Variants in MAOB observed in about 807,000 individuals in gnomAD.
MAOB encodes monoamine oxidase B, also known as amine oxidase [flavin-containing] B.
MAOB carries 15 observed loss-of-function variants against 41.9 expected under a neutral mutation model. The ratio of observed to expected loss-of-function variants is 0.36; its 90% CI spans 0.24 to 0.55. The LOEUF (loss-of-function observed/expected upper bound fraction) is 0.55, where lower values mean the gene tolerates loss of function less well. Ranked by LOEUF, MAOB falls within the 20% of genes least tolerant of loss-of-function variation. The pLI is 0.86. For missense variants in MAOB, 345 were observed against 398.7 expected (o/e 0.87, Z 1.15); for synonymous variants, 167 against 144.2 (o/e 1.16, Z -1.13).
intron 1 of MAOB, among the ~76,000 whole-genome samples, chrX:43,858,883 C>T (rs745532342): frequency 3.6e-5 from 4 of 111,769 alleles, no homozygotes; most frequent in African/African-American, 9.8e-5. Context: ...TTTGATAAAA[C>T]GATTTAACAA....
rs778995094 is a variant in MAOB at position 43,872,833 on chromosome X, A to G, written c.46+9421T>C. The stretch of plus-strand genomic sequence containing the variant: ...TATAGGTGGCAATAGTAACAGTGGT[A>G]AATATTTTATGGAGTTCAATTATGG... On this transcript the variant is annotated intron_variant, in intron 1 of 14. Coordinates refer to ENST00000378069, the MANE Select transcript of MAOB (RefSeq NM_000898.5). 2.7e-5 allele frequency among the ~76,000 whole-genome samples: 3 copies of G among 112,541 alleles called. No individual in the cohort carries two copies. In the East Asian group the frequency reaches 8.3e-4, roughly 31 times the overall value.
At chrX:43,786,515 T>C (rs191126365) in intron 8 of MAOB, among the ~76,000 whole-genome samples, 5 of 111,885 alleles carry the variant, frequency 4.5e-5, no homozygotes, top group African/African-American at 1.6e-4. Context: ...CCTTCAGGCA[T>C]GCTGGGGCAG....
intron 1 of MAOB, among the ~76,000 whole-genome samples, chrX:43,849,412 C>A (rs1055498083): frequency 8.9e-6 from 1 of 112,507 alleles, no homozygotes; most frequent in Admixed American, 9.4e-5. Context: ...CCTTTAACAT[C>A]ACGGATCATA....
intron 1 of MAOB, among the ~76,000 whole-genome samples, chrX:43,865,602 A>C (rs1266277970): frequency 3.6e-5 from 4 of 111,860 alleles, no homozygotes; most frequent in Middle Eastern, 4.2e-3. Context: ...AAATCTTATG[A>C]AGATAAAATT....
At chrX:43,850,511 G>A in intron 1 of MAOB, 1 of 749,566 alleles carries the variant, frequency 1.3e-6, no homozygotes, top group Non-Finnish European at 1.6e-6. Context: ...GAATGCACCA[G>A]TCACAATTTT....
At chrX:43,826,364 T>C (rs2034947553) in intron 3 of MAOB, among the ~76,000 whole-genome samples, 1 of 111,875 alleles carries the variant, frequency 8.9e-6, no homozygotes. Flanking sequence ...AATTGTGCTC[T>C]AAAAGGGACA....
chrX:43,768,591 C>A, intron 14 of MAOB, 63 bp downstream of exon 14: 1 of 952,065 alleles, frequency 1.1e-6, no homozygotes, highest in South Asian at 2.0e-5. Context: ...CAAGTGTGCT[C>A]TTCTTGAAAA....
intron 8 of MAOB, among the ~76,000 whole-genome samples, chrX:43,788,939 A>T (rs1257808712): frequency 1.8e-5 from 2 of 111,103 alleles, no homozygotes; most frequent in Admixed American, 9.6e-5. Context: ...CTTATCCCTT[A>T]TATGAAATGT....
intron 3 of MAOB, among the ~76,000 whole-genome samples, chrX:43,823,616 G>A (rs1260298609): frequency 8.9e-6 from 1 of 111,905 alleles, no homozygotes; most frequent in African/African-American, 3.3e-5. Flanking sequence ...AGACCCCTGA[G>A]GCAAAGGCTG....
At chrX:43,828,943 T>C (rs2034983418) in intron 3 of MAOB, among the ~76,000 whole-genome samples, 1 of 111,899 alleles carries the variant, frequency 8.9e-6, no homozygotes, top group Non-Finnish European at 1.9e-5. Flanking sequence ...TCAAAAGATG[T>C]TGCTTATTGT....
chrX:43,870,452 T>C (rs1222776973), intron 1 of MAOB, among the ~76,000 whole-genome samples: 2 of 111,109 alleles, frequency 1.8e-5, no homozygotes, highest in African/African-American at 6.6e-5. Flanking sequence ...CCAGAACTGA[T>C]GAGACTAAGC....
chrX:43,798,305 T>C (rs1010426839), intron 5 of MAOB, among the ~76,000 whole-genome samples: 4 of 112,308 alleles, frequency 3.6e-5, no homozygotes, highest in African/African-American at 1.3e-4. Context: ...ACTTGTTGCA[T>C]GATTGAACGA....
At chrX:43,854,962 G>C (rs147360550) in intron 1 of MAOB, among the ~76,000 whole-genome samples, 2,196 of 110,746 alleles carry the variant, frequency 0.02, 46 homozygotes, top group African/African-American at 0.066. Context: ...AACTCACCGA[G>C]ACATTTTCTG....
intron 3 of MAOB, among the ~76,000 whole-genome samples, chrX:43,834,856 C>T (rs2035055287): frequency 1.8e-5 from 2 of 112,692 alleles, no homozygotes; most frequent in African/African-American, 6.4e-5. Context: ...AGTCCTTTTG[C>T]TCAGCTTCTC....
chrX:43,820,468 A>G lies in MAOB; in HGVS notation c.280-17064T>C, dbSNP rs185731821. The stretch of plus-strand genomic sequence containing the variant: ...ATAAAGTGATTTTTATGGTGATTTC[A>G]TTGTACAGCAGCAAAGAAATAAAAC... On this transcript the variant is annotated intron_variant, in intron 3 of 14. Coordinates refer to ENST00000378069, the MANE Select transcript of MAOB (RefSeq NM_000898.5). Among the ~76,000 whole-genome samples, 14 of 112,598 alleles carry G rather than the reference A, an allele frequency of 1.2e-4. No homozygotes were observed. In the East Asian group the frequency reaches 3.6e-3, roughly 29 times the overall value.
At chrX:43,797,052 G>A (rs1177857977) in intron 6 of MAOB, 73 bp downstream of exon 6, 2 of 1,044,161 alleles carry the variant, frequency 1.9e-6, no homozygotes, top group Non-Finnish European at 2.6e-6. Context: ...AGCAGTTCAT[G>A]ATTGAAGGAT....
chrX:43,822,580 C>A (rs2034895411), intron 3 of MAOB, among the ~76,000 whole-genome samples: 1 of 111,649 alleles, frequency 9.0e-6, no homozygotes, highest in African/African-American at 3.3e-5. Context: ...GGAAGACACC[C>A]TGGAGATACT....
intron 9 of MAOB, among the ~76,000 whole-genome samples, chrX:43,781,018 G>A (rs760846850): frequency 9.0e-6 from 1 of 110,998 alleles, no homozygotes; most frequent in East Asian, 2.8e-4. Context: ...GAAAGCTGAA[G>A]ACTGGGCTGG....
intron 2 of MAOB, 73 bp from the exon 3 acceptor site, chrX:43,839,078 T>C: frequency 1.2e-6 from 1 of 814,166 alleles, no homozygotes; most frequent in South Asian, 3.8e-5. Flanking sequence ...AGTCCTGAAA[T>C]AAGCAAATCG....
Sources: allele counts gnomAD v4.1 joint callset (sites outside exome capture counted in the v4.1 genomes callset), GRCh38; gene constraint gnomAD v4.1.1; transcripts MANE v1.5; gene names NCBI Gene and HGNC (gene_info 2026-07-23, HGNC 2026-07-21).